PTPRD: variants seen among roughly 807,000 people sequenced by gnomAD.
The protein encoded by PTPRD is protein tyrosine phosphatase receptor type D.
Under a neutral mutation model 214.5 loss-of-function variants are expected in PTPRD, and 34 were observed. The observed-to-expected ratio is 0.16, with a 90% CI of 0.12 to 0.21. The LOEUF (loss-of-function observed/expected upper bound fraction) is 0.21, where lower values mean the gene tolerates loss of function less well. PTPRD is among the 10% of genes least tolerant of loss of function. The pLI is 1.00. For missense variants in PTPRD, 2,545 were observed against 2,398.7 expected (o/e 1.06, Z -1.27); for synonymous variants, 1,128 against 845.7 (o/e 1.33, Z -5.79).
intron 5 of PTPRD, among the ~76,000 whole-genome samples, chr9:9,803,194 T>C (rs1014429619): frequency 6.6e-6 from 1 of 151,302 alleles, no homozygotes; most frequent in Non-Finnish European, 1.5e-5. Context: ...ATTGGAGTAA[T>C]CTGGGGAAAA....
intron 5 of PTPRD, among the ~76,000 whole-genome samples, chr9:9,862,723 G>T (rs58768020): frequency 0.015 from 2,266 of 151,154 alleles, 41 homozygotes; most frequent in African/African-American, 0.053. Context: ...TGCTATTGGT[G>T]GGGGGCGGGG....
At chr9:8,827,047 TAACACACACACAC>T (rs1271705584) in intron 11 of PTPRD, among the ~76,000 whole-genome samples, 1 of 151,828 alleles carries the variant, frequency 6.6e-6, no homozygotes, top group Non-Finnish European at 1.5e-5. Context: ...CACACACATA[TAACACACACACAC>T]ACTACACACA....
chr9:8,765,432 C>T (rs2094658437), intron 11 of PTPRD, among the ~76,000 whole-genome samples: 1 of 152,200 alleles, frequency 6.6e-6, no homozygotes, highest in South Asian at 2.1e-4. Context: ...TCTAAGGACA[C>T]TTAGGCAGCC....
intron 10 of PTPRD, among the ~76,000 whole-genome samples, chr9:9,059,834 A>G (rs1000149147): frequency 2.6e-5 from 4 of 152,148 alleles, no homozygotes; most frequent in Admixed American, 2.0e-4. Flanking sequence ...AATGCACAAA[A>G]TAAATACATT....
At chr9:9,864,272 C>T (rs1002951942) in intron 5 of PTPRD, among the ~76,000 whole-genome samples, 2 of 151,618 alleles carry the variant, frequency 1.3e-5, no homozygotes, top group Admixed American at 1.3e-4. Context: ...CGCCTCTGCA[C>T]TCCAGCCTGG....
chr9:8,995,043 A>T (rs548101509), intron 11 of PTPRD, among the ~76,000 whole-genome samples: 2 of 152,186 alleles, frequency 1.3e-5, no homozygotes, highest in Non-Finnish European at 2.9e-5. Context: ...CATAGGAGAC[A>T]TGGGGGTAGA....
intron 3 of PTPRD, among the ~76,000 whole-genome samples, chr9:10,096,586 T>G (rs952611734): frequency 1.3e-4 from 20 of 151,892 alleles, no homozygotes; most frequent in South Asian, 4.2e-4. Flanking sequence ...TGATGGGGTT[T>G]TTTGTTTTTT....
chr9:9,925,397 C>A (rs2083919183), intron 5 of PTPRD, among the ~76,000 whole-genome samples: 1 of 151,950 alleles, frequency 6.6e-6, no homozygotes, highest in South Asian at 2.1e-4. Flanking sequence ...AGGGTGACTG[C>A]TGAATGTTTG....
intron 11 of PTPRD, among the ~76,000 whole-genome samples, chr9:8,755,327 C>G (rs935776634): frequency 4.6e-5 from 7 of 151,554 alleles, no homozygotes; most frequent in African/African-American, 1.7e-4. Context: ...GTCAGGAGTT[C>G]GAGGCCAGCC....
At chr9:9,370,409 A>G (rs531500159) in intron 9 of PTPRD, among the ~76,000 whole-genome samples, 75 of 151,416 alleles carry the variant, frequency 5.0e-4, no homozygotes, top group Non-Finnish European at 9.3e-4. Context: ...TTGGCTCTCT[A>G]TTTGTCTGTT....
intron 12 of PTPRD, among the ~76,000 whole-genome samples, chr9:8,639,635 C>T (rs2096530235): frequency 6.6e-6 from 1 of 152,296 alleles, no homozygotes; most frequent in South Asian, 2.1e-4. Context: ...GATACCGTTG[C>T]ATTTCTTAAC....
chr9:10,095,967 G>C (rs1294466306), intron 3 of PTPRD, among the ~76,000 whole-genome samples: 1 of 151,486 alleles, frequency 6.6e-6, no homozygotes. Context: ...CATTGCTGGG[G>C]TGAACTCATC....
intron 3 of PTPRD, among the ~76,000 whole-genome samples, chr9:10,100,379 A>G (rs534293324): frequency 8.8e-4 from 133 of 151,720 alleles, no homozygotes; most frequent in Non-Finnish European, 1.2e-3. Flanking sequence ...TGGAATTTGA[A>G]CCAAAGCAGT....
At chr9:10,344,729 A>G (rs891348121) in intron 2 of PTPRD, among the ~76,000 whole-genome samples, 4 of 151,724 alleles carry the variant, frequency 2.6e-5, no homozygotes, top group Non-Finnish European at 5.9e-5. Flanking sequence ...TGTAGTTCTC[A>G]TTGGTCCTTC....
At chr9:8,527,496 A>G in intron 15 of PTPRD, 143 bp from the exon 16 acceptor site, 1 of 758,822 alleles carries the variant, frequency 1.3e-6, no homozygotes, top group Non-Finnish European at 2.1e-6. Flanking sequence ...TTCATTTACA[A>G]TAACAGAATG....
chr9:10,289,980 T>A (rs921565413), intron 3 of PTPRD, among the ~76,000 whole-genome samples: 1 of 152,124 alleles, frequency 6.6e-6, no homozygotes, highest in African/African-American at 2.4e-5. Flanking sequence ...TCAGTGAAAT[T>A]TAAAAGTTGG....
intron 12 of PTPRD, among the ~76,000 whole-genome samples, chr9:8,695,006 A>T (rs767773403): frequency 7.2e-5 from 11 of 152,068 alleles, no homozygotes; most frequent in Non-Finnish European, 1.3e-4. Context: ...GTCACATAAA[A>T]CCTGAGGGAG....
chr9:9,715,635 T>C (rs1016016840), intron 7 of PTPRD, among the ~76,000 whole-genome samples: 1 of 152,138 alleles, frequency 6.6e-6, no homozygotes, highest in African/African-American at 2.4e-5. Context: ...AGAATCTAGA[T>C]AGAGATACTT....
At chr9:8,845,655 A>C (rs546651365) in intron 11 of PTPRD, among the ~76,000 whole-genome samples, 2 of 152,370 alleles carry the variant, frequency 1.3e-5, no homozygotes, top group African/African-American at 4.8e-5. Context: ...CTAGTGTCTA[A>C]GTAACACTGG....
Sources: allele counts gnomAD v4.1 joint callset (sites outside exome capture counted in the v4.1 genomes callset), GRCh38; gene constraint gnomAD v4.1.1; transcripts MANE v1.5; gene names NCBI Gene and HGNC (gene_info 2026-07-23, HGNC 2026-07-21).